The following PCNT variants were observed in gnomAD, a reference collection of about 807,000 sequenced individuals.
PCNT encodes pericentrin, also known as kendrin.
Under a neutral mutation model 380.4 loss-of-function variants are expected in PCNT, and 319 were observed. That is an observed-to-expected ratio of 0.84 (90% confidence interval 0.77 to 0.92). The LOEUF is 0.92. Among genes scored for constraint, PCNT ranks in the 40% least tolerant of loss-of-function variants. The pLI is 0.00. For missense variants in PCNT, 4,400 were observed against 4,255.3 expected (o/e 1.03, Z -0.95); for synonymous variants, 1,845 against 1,735.2 (o/e 1.06, Z -1.57).
chr21:46,337,623 C>G (rs1452387126), intron 3 of PCNT, among the ~76,000 whole-genome samples: 1 of 152,200 alleles, frequency 6.6e-6, no homozygotes, highest in Non-Finnish European at 1.5e-5. Flanking sequence ...GCTCTTGTTG[C>G]CCAGGCTGGA....
At position 46,381,825 on chromosome 21, in the gene PCNT, T is replaced by C. The variant is rs944387126; in HGVS notation, c.3297T>C (p.Asn1099=). The change falls in exon 16 of 47, where the codon AAT becomes AAC. Residue 1099 remains asparagine, a synonymous_variant. Coordinates refer to ENST00000359568, the MANE Select transcript of PCNT (RefSeq NM_006031.6). ...TGTCTCTGCAGCTTCAAAAGAAGAATCACCAAGTCCAGCAGGTGTGTGGAA... is the reference window on the plus strand; with the variant it reads ...TGTCTCTGCAGCTTCAAAAGAAGAACCACCAAGTCCAGCAGGTGTGTGGAA... ...ESLSLQLQKK[N]HQVQQLKDQV... is the part of the protein sequence containing the mutation. 3 of 1,614,228 alleles carry C rather than the reference T, an allele frequency of 1.9e-6. No homozygotes were observed. Among genetic ancestry groups the C allele is most frequent in the South Asian group, 1.1e-5 (1 of 91,086 alleles).
In PCNT at chr21:46,334,675, T is replaced by C; in HGVS notation, c.546T>C (p.Arg182=). Residue 182 remains arginine (R), a synonymous_variant, in exon 3 of 47, where the codon CGT becomes CGC. Coordinates refer to ENST00000359568, the MANE Select transcript of PCNT (RefSeq NM_006031.6). ...TCAGTGACCACCAACCGGAACAGCG[T>C]GGGATGTTCACAGTCAGTGACCACA... ...FTISDHQPEQ[R]GMFTVSDHTP... is the part of the protein sequence containing the mutation. 6.2e-7 allele frequency: 1 copy of C among 1,611,574 alleles called. No individual in the cohort carries two copies. Among genetic ancestry groups the C allele is most frequent in the Non-Finnish European group, 8.5e-7 (1 of 1,178,952 alleles).
chr21:46,388,718 G>T lies in PCNT; in HGVS notation c.3465-24G>T, dbSNP rs1601929668. On this transcript the variant is annotated intron_variant, in intron 17 of 46. Transcript: ENST00000359568. This position sits in a 1 kb window ranked among gnomAD's most constrained non-coding sequence, Gnocchi z 4.2. ...TTCTTATGCCGTGACCAGCTTGCCT[G>T]ATGATGGGTGTCTCCTGTCTCAGAG... 1.9e-6 allele frequency: 3 copies of T among 1,613,184 alleles called. No homozygotes were observed. The East Asian group carries it at 6.7e-5, about 36-fold the overall frequency.
chr21:46,410,582 G>C (rs1244329769), intron 27 of PCNT, among the ~76,000 whole-genome samples: 1 of 152,166 alleles, frequency 6.6e-6, no homozygotes, highest in East Asian at 1.9e-4. Context: ...TAATATCTCA[G>C]TTTCAATTTT....
rs545618955 is a variant in PCNT, at chr21:46,440,852, T to C, written c.9394-3T>C. ...TAAAATTTTACTGCTTTTTTTCTTT[T>C]AGATGGAAAAATTGTACCTGCATTA... On this transcript the variant is annotated splice_polypyrimidine_tract_variant and splice_region_variant and intron_variant, in intron 42 of 46. Transcript: ENST00000359568. 2.9e-4 allele frequency: 457 copies of C among 1,583,698 alleles called. 3 individuals carry two copies. In the South Asian group the frequency reaches 4.7e-3, roughly 16 times the overall value.
intron 4 of PCNT, among the ~76,000 whole-genome samples, chr21:46,346,467 C>T (rs2084071046): frequency 6.6e-6 from 1 of 152,156 alleles, no homozygotes; most frequent in Non-Finnish European, 1.5e-5. Flanking sequence ...CTGTCAGCTG[C>T]GAAGCCCCCT....
At position 46,389,443 on chromosome 21, in the gene PCNT, G is replaced by C. The variant is rs2085957397; in HGVS notation, c.3840+12G>C. On this transcript the variant is annotated intron_variant, in intron 19 of 46. Transcript: ENST00000359568. ...ACTCCAGCAGGCAGGTGAGGCCCAG[G>C]CTCCCGGGGTCCTGTGGAGATGTGA... The C allele has an allele frequency of 1.2e-6, 2 of 1,605,568 alleles. No individual in the cohort carries two copies. The highest frequency in any genetic ancestry group is 1.7e-5 in the Admixed American group (1 of 59,942).
intron 13 of PCNT, among the ~76,000 whole-genome samples, chr21:46,358,862 G>A (rs1002227857): frequency 8.6e-5 from 13 of 151,736 alleles, no homozygotes; most frequent in South Asian, 2.1e-4. Context: ...GCGCGGTGGC[G>A]CAATCTCAGC....
chr21:46,337,855 A>T (rs944116867), intron 3 of PCNT, among the ~76,000 whole-genome samples: 1 of 151,830 alleles, frequency 6.6e-6, no homozygotes, highest in Non-Finnish European at 1.5e-5. Flanking sequence ...AAGTGCTAGG[A>T]TTACAGGCAT....
In PCNT at chr21:46,432,124, G is replaced by A. The variant is rs184702889; in HGVS notation, c.8660G>A (p.Gly2887Glu). 4 of 1,614,112 alleles carry A rather than the reference G, an allele frequency of 2.5e-6. No individual in the cohort carries two copies. The highest frequency in any genetic ancestry group is 4.5e-5 in the East Asian group (2 of 44,888). ...QSHPRLKEQE[G>E]RKAARRSAEA... ...CACCCACGGTTGAAAGAGCAAGAAG[G>A]ACGCAAGGCTGCGAGGAGGAGCGCG... Residue 2887 changes from glycine (G) to glutamate (E), a missense_variant, in exon 38 of 47, where the codon GGA (glycine) becomes GAA (glutamate). Physicochemically the swap from Gly to Glu is moderately conservative, Grantham distance 98 (BLOSUM62 -2). Transcript: ENST00000359568.
chr21:46,330,111 C>T (rs2083510484), intron 2 of PCNT, among the ~76,000 whole-genome samples: 2 of 152,148 alleles, frequency 1.3e-5, no homozygotes, highest in African/African-American at 4.8e-5. Context: ...GGATCTTGGA[C>T]ATCAGCTTTT....
chr21:46,347,420 A>G (rs755823292), intron 5 of PCNT, 37 bp from the exon 6 acceptor site: 5 of 1,606,480 alleles, frequency 3.1e-6, no homozygotes, highest in Admixed American at 1.7e-5. Context: ...AAAGGTTGAG[A>G]TGGAGTGGCC....
intron 3 of PCNT, among the ~76,000 whole-genome samples, chr21:46,344,783 C>T (rs2084014065): frequency 6.6e-6 from 1 of 152,210 alleles, no homozygotes; most frequent in African/African-American, 2.4e-5. Flanking sequence ...GACGGGCCCC[C>T]TGCAGCTTTT....
In PCNT at chr21:46,427,699, G is replaced by C; in HGVS notation, c.7398G>C (p.Glu2466Asp). Reference protein sequence around the residue: ...VVQEAFEKEQEMQGVELQPRL... With the variant: ...VVQEAFEKEQDMQGVELQPRL... ...AAGAGGCCTTTGAAAAAGAGCAGGA[G>C]ATGCAGGGGGTTGAGCTGCAGCCCC... The change falls in exon 34 of 47, where the codon GAG becomes GAC. Residue 2466 changes from glutamate to aspartate, a missense_variant. Glu to Asp is a conservative substitution (Grantham distance 45, BLOSUM62 2). Transcript: ENST00000359568. 1 of 1,613,922 alleles carries C rather than the reference G, an allele frequency of 6.2e-7. No homozygotes were observed. Among genetic ancestry groups the C allele is most frequent in the Non-Finnish European group, 8.5e-7 (1 of 1,180,012 alleles).
At chr21:46,424,324 C>T (rs1212032234) in intron 32 of PCNT, among the ~76,000 whole-genome samples, 2 of 152,236 alleles carry the variant, frequency 1.3e-5, no homozygotes, top group Non-Finnish European at 2.9e-5. Flanking sequence ...CCGCCGCTGC[C>T]ACCACCACCA....
chr21:46,416,853 C>G lies in PCNT; in HGVS notation c.6921+14C>G, dbSNP rs765202518. 6 of 1,596,770 alleles carry G rather than the reference C, an allele frequency of 3.8e-6. No homozygotes were observed. The East Asian group carries it at 1.3e-4, about 36-fold the overall frequency. On this transcript the variant is annotated intron_variant, in intron 30 of 46. Coordinates refer to ENST00000359568, the MANE Select transcript of PCNT (RefSeq NM_006031.6). ...AGGACGGCTGTGGTAGGTGCCTGCT[C>G]TGCTCCCAGGCCTGCTGTTCCCGTG...
At chr21:46,344,062 T>C (rs1302668566) in intron 3 of PCNT, among the ~76,000 whole-genome samples, 13 of 151,846 alleles carry the variant, frequency 8.6e-5, no homozygotes, top group Admixed American at 8.5e-4. Flanking sequence ...ATCTTTTCTT[T>C]TCTTTTCTTT....
At chr21:46,436,742 C>T (rs908252157) in intron 39 of PCNT, among the ~76,000 whole-genome samples, 3 of 152,164 alleles carry the variant, frequency 2.0e-5, no homozygotes, top group Admixed American at 6.5e-5. Context: ...GCGGTGGCTT[C>T]CCGTGCTCGG....
At chr21:46,324,776 C>A in intron 1 of PCNT, 1 of 663,832 alleles carries the variant, frequency 1.5e-6, no homozygotes, top group Non-Finnish European at 1.9e-6. Flanking sequence ...GGTCTAGGGC[C>A]AGTTTCCTGC....
Sources: allele counts gnomAD v4.1 joint callset (sites outside exome capture counted in the v4.1 genomes callset), GRCh38; gene constraint gnomAD v4.1.1; non-coding constraint Gnocchi (gnomAD v3.1); transcripts MANE v1.5; gene names NCBI Gene and HGNC (gene_info 2026-07-23, HGNC 2026-07-21).